TUNAR: variants seen among roughly 807,000 people sequenced by gnomAD.
TUNAR encodes transmembrane neural differentiation associated intracellular calcium regulator, also known as protein TUNAR.
At chr14:95,896,179 C>G (rs913985415) in intron 2 of TUNAR, among the ~76,000 whole-genome samples, 1 of 152,236 alleles carries the variant, frequency 6.6e-6, no homozygotes, top group African/African-American at 2.4e-5. Context: ...ACCTACCCAC[C>G]TGCTGCCTTT....
intron 2 of TUNAR, among the ~76,000 whole-genome samples, chr14:95,885,241 C>G (rs1313277279): frequency 6.6e-6 from 1 of 152,198 alleles, no homozygotes; most frequent in East Asian, 1.9e-4. Flanking sequence ...TCACGCTCAG[C>G]ATCAATCTTC....
At chr14:95,886,747 T>C (rs1416447261) in intron 2 of TUNAR, among the ~76,000 whole-genome samples, 1 of 151,608 alleles carries the variant, frequency 6.6e-6, no homozygotes, top group Non-Finnish European at 1.5e-5. Context: ...ATGAAATCAC[T>C]CTGGAGTCGG....
At chr14:95,916,727 G>C (rs555554623) in intron 2 of TUNAR, among the ~76,000 whole-genome samples, 14 of 152,206 alleles carry the variant, frequency 9.2e-5, no homozygotes, top group Admixed American at 2.0e-4. Flanking sequence ...AGTATCCACT[G>C]ATACTCCTGC....
chr14:95,911,187 C>T (rs1889506886), intron 2 of TUNAR, among the ~76,000 whole-genome samples: 1 of 152,208 alleles, frequency 6.6e-6, no homozygotes, highest in Non-Finnish European at 1.5e-5. Context: ...GCCCCCTCAC[C>T]ATGCTGCTGC....
chr14:95,894,001 C>T (rs533075397), intron 2 of TUNAR, among the ~76,000 whole-genome samples: 4 of 152,228 alleles, frequency 2.6e-5, no homozygotes, highest in African/African-American at 4.8e-5. Flanking sequence ...GATTCAAAGT[C>T]GCAAGACGAT....
intron 2 of TUNAR, among the ~76,000 whole-genome samples, chr14:95,901,945 A>C (rs1336971034): frequency 6.6e-6 from 1 of 152,190 alleles, no homozygotes; most frequent in African/African-American, 2.4e-5. Flanking sequence ...AGCCAGTGCA[A>C]ACGTTTGGGC....
At chr14:95,919,240 AG>A (rs1254033549) in intron 2 of TUNAR, among the ~76,000 whole-genome samples, 13 of 152,270 alleles carry the variant, frequency 8.5e-5, no homozygotes, top group African/African-American at 3.1e-4. Context: ...GCTGTTTAGC[AG>A]TATCCACTAA....
At chr14:95,879,304 A>C (rs1213782042) in intron 2 of TUNAR, among the ~76,000 whole-genome samples, 2 of 152,222 alleles carry the variant, frequency 1.3e-5, no homozygotes, top group Admixed American at 6.5e-5. Context: ...TGACTGTTTG[A>C]AATTCACAAA....
At chr14:95,918,706 T>C (rs1338488011) in intron 2 of TUNAR, among the ~76,000 whole-genome samples, 1 of 152,198 alleles carries the variant, frequency 6.6e-6, no homozygotes, top group Non-Finnish European at 1.5e-5. Context: ...GAGTCAGAGT[T>C]ATCTCGAGTT....
intron 2 of TUNAR, among the ~76,000 whole-genome samples, chr14:95,917,063 T>C (rs550186619): frequency 1.4e-4 from 22 of 152,354 alleles, no homozygotes; most frequent in African/African-American, 4.3e-4. Context: ...TAAACAGATA[T>C]TGAATTTAAG....
intron 2 of TUNAR, among the ~76,000 whole-genome samples, chr14:95,882,480 T>C (rs1888995782): frequency 6.6e-6 from 1 of 152,188 alleles, no homozygotes; most frequent in Non-Finnish European, 1.5e-5. Flanking sequence ...TTTCTTGTTG[T>C]TTTTGTATGT....
intron 2 of TUNAR, among the ~76,000 whole-genome samples, chr14:95,918,510 C>T (rs79363166): frequency 0.024 from 3,656 of 152,292 alleles, 135 homozygotes; most frequent in African/African-American, 0.082. Context: ...AATCAAGCCA[C>T]ACTCCCAACG....
chr14:95,890,917 G>A (rs1889168881), intron 2 of TUNAR, among the ~76,000 whole-genome samples: 1 of 152,184 alleles, frequency 6.6e-6, no homozygotes, highest in East Asian at 1.9e-4. Context: ...GGGTCTGTGG[G>A]CTTACACCGG....
chr14:95,903,105 A>G (rs1889381077), intron 2 of TUNAR, among the ~76,000 whole-genome samples: 1 of 152,174 alleles, frequency 6.6e-6, no homozygotes, highest in South Asian at 2.1e-4. Flanking sequence ...CAGAAACAAT[A>G]GAGTGGGGCC....
intron 2 of TUNAR, among the ~76,000 whole-genome samples, chr14:95,884,175 C>G (rs1889031044): frequency 6.6e-6 from 1 of 152,150 alleles, no homozygotes; most frequent in African/African-American, 2.4e-5. Context: ...CCAGAGTGAG[C>G]CTTTTAAAGG....
chr14:95,917,507 G>A (rs1017844573), intron 2 of TUNAR, among the ~76,000 whole-genome samples: 2 of 152,086 alleles, frequency 1.3e-5, no homozygotes, highest in Admixed American at 6.5e-5. Context: ...GAACCTACTT[G>A]TCAAATATCA....
chr14:95,910,850 A>G (rs967988681), intron 2 of TUNAR, among the ~76,000 whole-genome samples: 38 of 152,196 alleles, frequency 2.5e-4, no homozygotes, highest in Admixed American at 9.8e-4. Flanking sequence ...CTCCCAGCTC[A>G]TTTCCTGAAA....
intron 2 of TUNAR, among the ~76,000 whole-genome samples, chr14:95,889,773 G>A (rs953222083): frequency 4.6e-5 from 7 of 152,126 alleles, no homozygotes; most frequent in African/African-American, 7.2e-5. Flanking sequence ...CTCCCTTCCT[G>A]TGCACCTGCA....
intron 2 of TUNAR, among the ~76,000 whole-genome samples, chr14:95,892,437 G>T (rs570323783): frequency 1.3e-4 from 20 of 152,354 alleles, no homozygotes; most frequent in Non-Finnish European, 2.8e-4. Context: ...CCGGGGAGCC[G>T]GGCCACCTCC....
Sources: gnomAD v4.1 joint callset for allele counts (sites outside exome capture counted in the v4.1 genomes callset) on GRCh38, gnomAD v4.1.1 for gene constraint, MANE v1.5 for transcripts, NCBI Gene and HGNC (gene_info 2026-07-23, HGNC 2026-07-21) for gene names.